TAS1R2: variants seen among roughly 807,000 people sequenced by gnomAD.
TAS1R2 encodes taste receptor type 1 member 2.
TAS1R2 carries 47 observed loss-of-function variants against 49.3 expected under a neutral mutation model. The observed-to-expected ratio is 0.95, with a 90% CI of 0.75 to 1.22. The LOEUF is 1.22. Among genes scored for constraint, TAS1R2 ranks in the 50% most tolerant of loss-of-function variants. The probability of loss-of-function intolerance (pLI) is 0.00; values close to 1 mark genes in which losing one functional copy is unlikely to be tolerated. For missense variants in TAS1R2, 1,155 were observed against 1,122.1 expected, an observed-to-expected ratio of 1.03 and a Z score of -0.42; for synonymous variants, 479 against 467.9, an observed-to-expected ratio of 1.02 and a Z score of -0.31.
At chr1:18,856,432 G>T (rs1934137708) in intron 2 of TAS1R2, among the ~76,000 whole-genome samples, 1 of 151,932 alleles carries the variant, frequency 6.6e-6, no homozygotes, top group African/African-American at 2.4e-5. Flanking sequence ...CCCCCACCCT[G>T]CCCACATTTT....
chr1:18,855,830 G>A (rs149803341), intron 2 of TAS1R2, among the ~76,000 whole-genome samples: 4 of 152,218 alleles, frequency 2.6e-5, no homozygotes, highest in East Asian at 1.9e-4. Context: ...CTCTGGAGTC[G>A]TCCTTGACTC....
chr1:18,851,962 C>G (rs1457580304), intron 3 of TAS1R2, among the ~76,000 whole-genome samples: 1 of 152,218 alleles, frequency 6.6e-6, no homozygotes, highest in African/African-American at 2.4e-5. Flanking sequence ...CAGTGTCTGT[C>G]TGGGGGTGAC....
chr1:18,843,589 A>G (rs762987239), intron 4 of TAS1R2, among the ~76,000 whole-genome samples: 23 of 152,234 alleles, frequency 1.5e-4, no homozygotes, highest in Non-Finnish European at 2.4e-4. Flanking sequence ...ATGACTCTGA[A>G]GAAGGCCCTG....
At chr1:18,858,318 A>C (rs930755138) in intron 1 of TAS1R2, 13 of 152,342 alleles carry the variant, frequency 8.5e-5, no homozygotes, top group Admixed American at 3.3e-4. Flanking sequence ...GATCACCACC[A>C]TCACCAACAC....
chr1:18,840,577 C>T (rs370914692), intron 5 of TAS1R2, 50 bp from the exon 6 acceptor site: 3 of 1,599,132 alleles, frequency 1.9e-6, no homozygotes, highest in Non-Finnish European at 2.6e-6. Flanking sequence ...TTCCAAGCAC[C>T]TGCATCCTCC....
chr1:18,853,855 A>G (rs985139329), intron 3 of TAS1R2, among the ~76,000 whole-genome samples: 1 of 152,168 alleles, frequency 6.6e-6, no homozygotes, highest in Non-Finnish European at 1.5e-5. Context: ...GTGATAGAGA[A>G]CTAGGGTAAT....
rs1469200137 is a variant in TAS1R2, at chr1:18,841,938, G to A, written c.1468-86C>T. ...CCCTCTCCAACCAGCAGGATGTTCA[G>A]GGGAGGAAGCCTAGAAGCCCCCTAG... is the stretch of plus-strand genomic sequence containing the variant. On this transcript the variant is annotated intron_variant, in intron 4 of 5. Transcript: ENST00000375371. 5 of 1,438,332 alleles carry A rather than the reference G, an allele frequency of 3.5e-6. No individual in the cohort carries two copies. The Admixed American group carries it at 6.7e-5, about 19-fold the overall frequency. 89.1% of individuals were successfully genotyped at this position (1,438,332 alleles called of 1,614,324 possible). A position where few individuals can be genotyped will look rare whatever the true frequency, so the allele number is the denominator to read the frequency against.
intron 4 of TAS1R2, among the ~76,000 whole-genome samples, chr1:18,843,765 A>G (rs1239737943): frequency 1.3e-5 from 2 of 152,334 alleles, no homozygotes; most frequent in Non-Finnish European, 2.9e-5. Context: ...CAACTCTTGG[A>G]GTCCTGCTGG....
At position 18,854,233 on chromosome 1, in the gene TAS1R2, T is replaced by G; in HGVS notation, c.1237A>C (p.Arg413=). ...CTCACCTGCCAGGGGTAGACCACCCTCTTGGTGCAGGTGCTTTTGTCACAG... is the reference window on the plus strand; with the variant it reads ...CTCACCTGCCAGGGGTAGACCACCCGCTTGGTGCAGGTGCTTTTGTCACAG... Residue 413 remains arginine (R), a synonymous_variant, in exon 3 of 6, where the codon AGG becomes CGG. Coordinates refer to ENST00000375371, the Ensembl canonical transcript of TAS1R2. This position sits in a 1 kb window ranked among gnomAD's most constrained non-coding sequence, Gnocchi z 4.9. The G allele has an allele frequency of 6.2e-7, 1 of 1,613,690 alleles. No individual in the cohort carries two copies. The highest frequency in any genetic ancestry group is 1.3e-5 in the African/African-American group (1 of 75,032).
Position 18,854,425 on chromosome 1 carries a change from G to T in TAS1R2, c.1045C>A (p.Pro349Thr), listed in dbSNP as rs764237387. Residue 349 changes from proline to threonine, a missense_variant, in exon 3 of 6, where the codon CCC becomes ACC. Coordinates refer to ENST00000375371, the Ensembl canonical transcript of TAS1R2. This position sits in a 1 kb window ranked among gnomAD's most constrained non-coding sequence, Gnocchi z 4.9. The stretch of plus-strand genomic sequence containing the variant: ...TAGCTCTGGCTGGTCCTGCTGAGGG[G>T]TGGCGGCCCAGCCTGTGGGCCCCAC... 1 of 1,614,076 alleles carries T rather than the reference G, an allele frequency of 6.2e-7. No homozygotes were observed. The highest frequency in any genetic ancestry group is 1.7e-5 in the Admixed American group (1 of 60,014).
At chr1:18,840,204 G>C in exon 6 of TAS1R2, 1 of 1,614,220 alleles carries the variant, frequency 6.2e-7, no homozygotes, top group Non-Finnish European at 8.5e-7. Flanking sequence ...GTGAAGCAGA[G>C]GGGAAAGAGG....
intron 5 of TAS1R2, among the ~76,000 whole-genome samples, chr1:18,841,496 C>T (rs1053381789): frequency 3.9e-5 from 6 of 152,178 alleles, no homozygotes; most frequent in Admixed American, 6.5e-5. Flanking sequence ...GGGGGAGTGT[C>T]GTCCCTTCCC....
chr1:18,857,453 G>A, exon 2 of TAS1R2: 6 of 1,614,186 alleles, frequency 3.7e-6, no homozygotes, highest in Non-Finnish European at 5.1e-6. Flanking sequence ...ATGGGAAGGA[G>A]GTTGTCCTCG....
At chr1:18,840,283 C>G in exon 6 of TAS1R2, 2 of 1,614,088 alleles carry the variant, frequency 1.2e-6, no homozygotes, top group Non-Finnish European at 1.7e-6. Flanking sequence ...TGTATGCCAC[C>G]AGCAGCAGTG....
chr1:18,842,968 A>C (rs1002956229), intron 4 of TAS1R2, among the ~76,000 whole-genome samples: 50 of 152,374 alleles, frequency 3.3e-4, no homozygotes, highest in African/African-American at 1.2e-3. Flanking sequence ...AAAAATAAAA[A>C]ATTTTAATGT....
intron 2 of TAS1R2, among the ~76,000 whole-genome samples, chr1:18,855,586 G>T (rs2100524884): frequency 6.6e-6 from 1 of 152,236 alleles, no homozygotes; most frequent in African/African-American, 2.4e-5. Context: ...CTCCCTTGGT[G>T]GTCCCATCCA....
chr1:18,842,466 G>C (rs776896497), intron 4 of TAS1R2, among the ~76,000 whole-genome samples: 11 of 152,174 alleles, frequency 7.2e-5, no homozygotes, highest in Non-Finnish European at 1.6e-4. Context: ...ATAGCAAATA[G>C]TAAGCATAGT....
chr1:18,854,900 G>C lies in TAS1R2; in HGVS notation c.570C>G (p.His190Gln), dbSNP rs781549433. ...GCATCAGCTGCACCATGGCCTCGAT[G>C]TGGTGGTCGGCGCTGGGTGTGGTAC... The change falls in exon 3 of 6, where the codon CAC becomes CAG. Residue 190 changes from histidine (H) to glutamine (Q), a missense_variant. By Grantham distance (24) the His-to-Gln change is conservative. Coordinates refer to ENST00000375371, the Ensembl canonical transcript of TAS1R2. The surrounding 1 kb of genome is among the most constrained non-coding windows in gnomAD (Gnocchi z 4.9). 2 of 1,613,296 alleles carry C rather than the reference G, an allele frequency of 1.2e-6. No individual in the cohort carries two copies. Among genetic ancestry groups the C allele is most frequent in the Non-Finnish European group, 1.7e-6 (2 of 1,179,820 alleles).
intron 4 of TAS1R2, among the ~76,000 whole-genome samples, chr1:18,844,966 C>T (rs769019724): frequency 1.3e-5 from 2 of 152,190 alleles, no homozygotes; most frequent in Non-Finnish European, 2.9e-5. Context: ...ATCAGAGACC[C>T]ACCCATGCTG....
Sources: gnomAD v4.1 joint callset for allele counts (sites outside exome capture counted in the v4.1 genomes callset) on GRCh38, gnomAD v4.1.1 for gene constraint, Gnocchi (gnomAD v3.1) non-coding constraint, MANE v1.5 for transcripts, NCBI Gene and HGNC (gene_info 2026-07-23, HGNC 2026-07-21) for gene names.